The following CNTN5 variants were observed in gnomAD, a reference collection of about 807,000 sequenced individuals.
CNTN5 encodes the protein contactin-5.
CNTN5 carries 77 observed loss-of-function variants against 129.1 expected under a neutral mutation model. That is an observed-to-expected ratio of 0.60 (90% CI 0.50 to 0.72). CNTN5 has a LOEUF of 0.72. CNTN5 is among the 30% of genes least tolerant of loss of function. CNTN5 has a pLI of 0.00. For missense variants in CNTN5, 1,478 were observed against 1,328.8 expected, an observed-to-expected ratio of 1.11 and a Z score of -1.75; for synonymous variants, 509 against 465.6, an observed-to-expected ratio of 1.09 and a Z score of -1.20.
intron 8 of CNTN5, 118 bp downstream of exon 8, chr11:99,957,127 C>A: frequency 2.2e-6 from 2 of 892,888 alleles, no homozygotes; most frequent in Non-Finnish European, 3.4e-6. Context: ...AAGGCATTTG[C>A]CATATTTAGA....
At chr11:99,687,296 A>G (rs1340998256) in intron 3 of CNTN5, among the ~76,000 whole-genome samples, 4 of 152,310 alleles carry the variant, frequency 2.6e-5, no homozygotes, top group East Asian at 3.9e-4. Flanking sequence ...AACAAGGTCA[A>G]TATAATACCT....
At chr11:99,792,292 A>C (rs953616730) in intron 3 of CNTN5, among the ~76,000 whole-genome samples, 1 of 152,058 alleles carries the variant, frequency 6.6e-6, no homozygotes, top group Non-Finnish European at 1.5e-5. Context: ...ATTTCTTGAG[A>C]GTTTTTAATA....
rs1947641177 is a variant in CNTN5 at position 99,845,074 on chromosome 11, A to AT, written c.402-7dup. 6.2e-7 allele frequency: 1 copy of AT among 1,612,390 alleles called. No homozygotes were observed. The highest frequency in any genetic ancestry group is 8.5e-7 in the Non-Finnish European group (1 of 1,179,106). ...GAGGATTATACATATTTGTCTTCTG[A>AT]TTTTTTCCTAAGATGGCTTCGAAAT... On this transcript the variant is annotated splice_polypyrimidine_tract_variant and intron_variant, in intron 5 of 24. Transcript: ENST00000524871.
intron 1 of CNTN5, among the ~76,000 whole-genome samples, chr11:99,259,006 A>C (rs1411170835): frequency 1.3e-5 from 2 of 151,852 alleles, no homozygotes; most frequent in Non-Finnish European, 2.9e-5. Flanking sequence ...CAATAAGAAA[A>C]ATTTAAGGCA....
At chr11:99,934,365 A>T (rs528648059) in intron 7 of CNTN5, among the ~76,000 whole-genome samples, 1 of 152,334 alleles carries the variant, frequency 6.6e-6, no homozygotes, top group South Asian at 2.1e-4. Context: ...AGCCACATAT[A>T]TTAATACACA....
At chr11:99,370,989 C>A (rs143553528) in intron 2 of CNTN5, among the ~76,000 whole-genome samples, 3 of 152,148 alleles carry the variant, frequency 2.0e-5, no homozygotes, top group African/African-American at 7.2e-5. Flanking sequence ...AGAGGCAGGG[C>A]GCTGCTCCAG....
chr11:99,292,746 C>G (rs1239201593), intron 1 of CNTN5, among the ~76,000 whole-genome samples: 1 of 152,038 alleles, frequency 6.6e-6, no homozygotes, highest in African/African-American at 2.4e-5. Flanking sequence ...CTAGGCTTAC[C>G]AGCCTTGACA....
chr11:100,066,294 C>G (rs148023012), intron 10 of CNTN5, among the ~76,000 whole-genome samples: 48 of 152,200 alleles, frequency 3.2e-4, no homozygotes, highest in African/African-American at 1.1e-3. Flanking sequence ...TGTATAATCT[C>G]TCCAATATAA....
intron 20 of CNTN5, among the ~76,000 whole-genome samples, chr11:100,307,382 C>T (rs188095941): frequency 8.3e-4 from 126 of 151,778 alleles, no homozygotes; most frequent in African/African-American, 2.9e-3. Context: ...TCTGCCATTT[C>T]ATTTAACTTG....
At chr11:100,166,473 G>T (rs940897021) in intron 13 of CNTN5, among the ~76,000 whole-genome samples, 1 of 151,708 alleles carries the variant, frequency 6.6e-6, no homozygotes, top group African/African-American at 2.4e-5. Context: ...CAAGGTAAGT[G>T]TTGGCATCCT....
chr11:99,646,336 T>A (rs1221076661), intron 3 of CNTN5, among the ~76,000 whole-genome samples: 1 of 152,246 alleles, frequency 6.6e-6, no homozygotes, highest in East Asian at 1.9e-4. Context: ...TTTTCCCTTT[T>A]TTGCTATAAG....
chr11:99,584,815 A>T (rs1949738244), intron 3 of CNTN5, among the ~76,000 whole-genome samples: 2 of 152,172 alleles, frequency 1.3e-5, no homozygotes, highest in Admixed American at 1.3e-4. Flanking sequence ...TTCATGAAAC[A>T]CTGTTTTTAC....
chr11:99,443,165 T>G (rs1943908696), intron 2 of CNTN5, among the ~76,000 whole-genome samples: 1 of 152,190 alleles, frequency 6.6e-6, no homozygotes, highest in South Asian at 2.1e-4. Flanking sequence ...TTGAAGTCAC[T>G]AGCGACTTGT....
chr11:99,348,704 C>A (rs138249355), intron 2 of CNTN5, among the ~76,000 whole-genome samples: 1 of 152,160 alleles, frequency 6.6e-6, no homozygotes, highest in African/African-American at 2.4e-5. Flanking sequence ...CTTAATTTTC[C>A]AGTTGACAGT....
chr11:99,175,044 G>C (rs1032073814), intron 1 of CNTN5, among the ~76,000 whole-genome samples: 4 of 152,078 alleles, frequency 2.6e-5, no homozygotes, highest in Non-Finnish European at 5.9e-5. Context: ...ACCAGCCTTG[G>C]CAACAAAGTA....
intron 18 of CNTN5, among the ~76,000 whole-genome samples, chr11:100,295,925 G>GTA (rs1484767184): frequency 6.6e-6 from 1 of 151,458 alleles, no homozygotes; most frequent in Non-Finnish European, 1.5e-5. Context: ...GTGTATGTAT[G>GTA]TGTGTGTATA....
intron 13 of CNTN5, among the ~76,000 whole-genome samples, chr11:100,083,407 T>C (rs58499079): frequency 0.79 from 120,200 of 151,358 alleles, 48,661 homozygotes; most frequent in East Asian, 1. Context: ...TCACTTATCA[T>C]CAGGGGATGA....
intron 3 of CNTN5, among the ~76,000 whole-genome samples, chr11:99,556,738 T>TAG (rs1488239388): frequency 6.6e-6 from 1 of 150,506 alleles, no homozygotes; most frequent in Admixed American, 6.7e-5. Flanking sequence ...AGAATCAGGT[T>TAG]AGCTTTATTA....
intron 1 of CNTN5, among the ~76,000 whole-genome samples, chr11:99,248,443 C>T (rs892013958): frequency 2.0e-5 from 3 of 152,104 alleles, no homozygotes; most frequent in African/African-American, 7.2e-5. Flanking sequence ...GTTTCTTTTG[C>T]TGTGCAGAAG....
Sources: allele counts gnomAD v4.1 joint callset (sites outside exome capture counted in the v4.1 genomes callset), GRCh38; gene constraint gnomAD v4.1.1; transcripts MANE v1.5; gene names NCBI Gene and HGNC (gene_info 2026-07-23, HGNC 2026-07-21).